The following AGTRAP variants were observed in gnomAD, a reference collection of about 807,000 sequenced individuals.
AGTRAP encodes type-1 angiotensin II receptor-associated protein.
A neutral mutation model predicts 15.2 loss-of-function variants in AGTRAP; 7 were observed. The observed-to-expected ratio is 0.46, with a 90% CI of 0.26 to 0.87. The LOEUF (loss-of-function observed/expected upper bound fraction) is 0.87. Among genes scored for constraint, AGTRAP ranks in the 40% least tolerant of loss-of-function variants. The pLI, the probability that AGTRAP is intolerant of heterozygous loss-of-function variation, is 0.15. For synonymous variants in AGTRAP, 74 were observed against 89.6 expected (o/e 0.83, Z 0.98); for missense variants, 187 against 213.4 (o/e 0.88, Z 0.77).
intron 1 of AGTRAP, among the ~76,000 whole-genome samples, chr1:11,741,289 T>G (rs951823966): frequency 3.3e-5 from 5 of 152,168 alleles, no homozygotes; most frequent in African/African-American, 1.2e-4. Context: ...CAGGTGCCCT[T>G]TCCCTTGCTT....
At chr1:11,740,578 C>T (rs1642006671) in intron 1 of AGTRAP, among the ~76,000 whole-genome samples, 1 of 152,138 alleles carries the variant, frequency 6.6e-6, no homozygotes, top group Non-Finnish European at 1.5e-5. Context: ...CTCTGTATTA[C>T]AGGCCCTTCC....
chr1:11,738,710 G>C (rs904710920), intron 1 of AGTRAP, among the ~76,000 whole-genome samples: 3 of 152,180 alleles, frequency 2.0e-5, no homozygotes, highest in Non-Finnish European at 4.4e-5. Flanking sequence ...AGGTTCTAAA[G>C]TCATGGAGCC....
At chr1:11,737,248 A>C (rs1339891272) in intron 1 of AGTRAP, among the ~76,000 whole-genome samples, 3 of 152,182 alleles carry the variant, frequency 2.0e-5, no homozygotes, top group Non-Finnish European at 4.4e-5. Flanking sequence ...TGAAGCTTCC[A>C]GTCAAAGGTG....
chr1:11,742,455 TCC>T (rs1642055360), intron 1 of AGTRAP, among the ~76,000 whole-genome samples: 1 of 151,302 alleles, frequency 6.6e-6, no homozygotes, highest in Admixed American at 6.6e-5. Context: ...CTTCCTTCCT[TCC>T]TTCCTTCTTT....
rs113371190 is a variant in AGTRAP at position 11,737,100 on chromosome 1, T to C, written c.27+865T>C. ...CAGAGCATTTAGCTCCCTGTTGGTG[T>C]CTGGGACTAAAGGAACCTGAGAAAT... On this transcript the variant is annotated intron_variant, in intron 1 of 4. Coordinates refer to ENST00000314340, the MANE Select transcript of AGTRAP (RefSeq NM_020350.5). Among the ~76,000 whole-genome samples, 1,462 of 152,332 alleles carry C rather than the reference T, an allele frequency of 9.6e-3. 11 individuals are homozygous for C. Among genetic ancestry groups the C allele is most frequent in the African/African-American group, 0.021 (874 of 41,564 alleles).
Position 11,745,520 on chromosome 1 carries a change from C to G in AGTRAP, c.28-283C>G, listed in dbSNP as rs937104064. On this transcript the variant is annotated intron_variant, in intron 1 of 4. Transcript: ENST00000314340. The surrounding 1 kb of genome is among the most constrained non-coding windows in gnomAD (Gnocchi z 4.2). ...CCAGCTCCTATTCAAGATGGAATTGCTCTGGTTCATACGCCTCTGACGCTT... is the reference window on the plus strand; with the variant it reads ...CCAGCTCCTATTCAAGATGGAATTGGTCTGGTTCATACGCCTCTGACGCTT... Among the ~76,000 whole-genome samples, 10 of 152,190 alleles carry G rather than the reference C, an allele frequency of 6.6e-5. No homozygotes were observed. The highest frequency in any genetic ancestry group is 2.4e-4 in the African/African-American group (10 of 41,448).
chr1:11,745,542 G>A lies in AGTRAP; in HGVS notation c.28-261G>A, dbSNP rs1211916645. 3.9e-5 allele frequency among the ~76,000 whole-genome samples: 6 copies of A among 152,118 alleles called. No homozygotes were observed. Among genetic ancestry groups the A allele is most frequent in the Admixed American group, 6.5e-5 (1 of 15,270 alleles). On this transcript the variant is annotated intron_variant, in intron 1 of 4. Transcript: ENST00000314340. This position sits in a 1 kb window ranked among gnomAD's most constrained non-coding sequence, Gnocchi z 4.2. ...TTGCTCTGGTTCATACGCCTCTGAC[G>A]CTTGGAAGGGGTGTGGGTGTCAGCT...
At chr1:11,736,635 C>G (rs545226783) in intron 1 of AGTRAP, among the ~76,000 whole-genome samples, 1 of 152,340 alleles carries the variant, frequency 6.6e-6, no homozygotes, top group Non-Finnish European at 1.5e-5. Flanking sequence ...TGGGCTTGCC[C>G]CCCGGGTCCC....
At chr1:11,740,111 C>T (rs1332887393) in intron 1 of AGTRAP, among the ~76,000 whole-genome samples, 1 of 152,240 alleles carries the variant, frequency 6.6e-6, no homozygotes, top group Non-Finnish European at 1.5e-5. Context: ...GGCCCTGCCA[C>T]CCGTTTAGCT....
rs1324960035 is a variant in AGTRAP, at chr1:11,745,011, T to C, written c.28-792T>C. Among the ~76,000 whole-genome samples the C allele has an allele frequency of 1.3e-5, 2 of 151,932 alleles. No homozygotes were observed. Among genetic ancestry groups the C allele is most frequent in the Non-Finnish European group, 2.9e-5 (2 of 67,998 alleles). On this transcript the variant is annotated intron_variant, in intron 1 of 4. Transcript: ENST00000314340. This position sits in a 1 kb window ranked among gnomAD's most constrained non-coding sequence, Gnocchi z 4.2. ...CTGGGATTACAGGCACACACCACCATGCCCGGCTAATTTTTGTATTTTTAG... is the reference window on the plus strand; with the variant it reads ...CTGGGATTACAGGCACACACCACCACGCCCGGCTAATTTTTGTATTTTTAG...
intron 2 of AGTRAP, 48 bp from the exon 3 acceptor site, chr1:11,747,392 C>T (rs1328943349): frequency 5.1e-6 from 8 of 1,558,522 alleles, no homozygotes; most frequent in African/African-American, 4.1e-5. Flanking sequence ...GGGAGGTGAC[C>T]TGCGGGGTGG....
rs765761727 is a variant in AGTRAP at position 11,745,022 on chromosome 1, T to C, written c.28-781T>C. 1.3e-5 allele frequency among the ~76,000 whole-genome samples: 2 copies of C among 151,848 alleles called. No homozygotes were observed. Among genetic ancestry groups the C allele is most frequent in the Non-Finnish European group, 2.9e-5 (2 of 67,946 alleles). On this transcript the variant is annotated intron_variant, in intron 1 of 4. Coordinates refer to ENST00000314340, the MANE Select transcript of AGTRAP (RefSeq NM_020350.5). The surrounding 1 kb of genome is among the most constrained non-coding windows in gnomAD (Gnocchi z 4.2). The stretch of plus-strand genomic sequence containing the variant: ...GGCACACACCACCATGCCCGGCTAA[T>C]TTTTGTATTTTTAGTAGAGACAGGG...
intron 4 of AGTRAP, among the ~76,000 whole-genome samples, chr1:11,749,597 T>TC (rs1642263302): frequency 6.6e-6 from 1 of 152,214 alleles, no homozygotes; most frequent in Non-Finnish European, 1.5e-5. Flanking sequence ...AGCCCCAGCC[T>TC]CCGAGGCCAT....
At chr1:11,737,080 C>A (rs901767114) in intron 1 of AGTRAP, among the ~76,000 whole-genome samples, 1 of 152,242 alleles carries the variant, frequency 6.6e-6, no homozygotes, top group African/African-American at 2.4e-5. Context: ...AATGACAGAG[C>A]ATTTAGCTCC....
At chr1:11,739,995 T>C (rs1015222504) in intron 1 of AGTRAP, among the ~76,000 whole-genome samples, 6 of 152,214 alleles carry the variant, frequency 3.9e-5, no homozygotes, top group African/African-American at 1.4e-4. Context: ...CCTTGGTCCA[T>C]TGACCCCTGT....
Position 11,750,614 on chromosome 1 carries a change from C to A in AGTRAP, c.*422C>A. 1 of 421,326 alleles carries A rather than the reference C, an allele frequency of 2.4e-6. No individual in the cohort carries two copies. Among genetic ancestry groups the A allele is most frequent in the Middle Eastern group, 6.4e-4 (1 of 1,574 alleles). The allele number at this position is 421,326 out of a possible 1,614,324, so 26.1% of individuals were successfully genotyped here. On this transcript the variant is annotated 3_prime_UTR_variant, in exon 5 of 5. Transcript: ENST00000314340. ...GGTCCTGCTCAGCCCGAGGAGCAGTCTGGCATGGGAGTGAGGCCCCGTCCT... is the reference window on the plus strand; with the variant it reads ...GGTCCTGCTCAGCCCGAGGAGCAGTATGGCATGGGAGTGAGGCCCCGTCCT...
Position 11,745,284 on chromosome 1 carries a change from G to C in AGTRAP, c.28-519G>C, listed in dbSNP as rs1266693108. On this transcript the variant is annotated intron_variant, in intron 1 of 4. Coordinates refer to ENST00000314340, the MANE Select transcript of AGTRAP (RefSeq NM_020350.5). The surrounding 1 kb of genome is among the most constrained non-coding windows in gnomAD (Gnocchi z 4.2). ...CATGGCATTTGTAAACTGTCATAGT[G>C]CTGGTGGGAGTGTAGCAGTGAGGAC... is the stretch of plus-strand genomic sequence containing the variant. 6.6e-6 allele frequency among the ~76,000 whole-genome samples: 1 copy of C among 152,198 alleles called. No individual in the cohort carries two copies. The highest frequency in any genetic ancestry group is 1.9e-4 in the East Asian group (1 of 5,204).
chr1:11,749,920 A>G (rs1455262329), intron 4 of AGTRAP, among the ~76,000 whole-genome samples, 157 bp from the exon 5 acceptor site: 2 of 151,718 alleles, frequency 1.3e-5, no homozygotes, highest in African/African-American at 2.4e-5. Flanking sequence ...AATACACGCT[A>G]AAGGTTTAGG....
At chr1:11,747,117 T>A (rs766917252) in intron 2 of AGTRAP, among the ~76,000 whole-genome samples, 1 of 152,072 alleles carries the variant, frequency 6.6e-6, no homozygotes, top group Non-Finnish European at 1.5e-5. Context: ...CAGAAAACTG[T>A]TGGAGGATTT....
Sources: allele counts gnomAD v4.1 joint callset (sites outside exome capture counted in the v4.1 genomes callset), GRCh38; gene constraint gnomAD v4.1.1; non-coding constraint Gnocchi (gnomAD v3.1); transcripts MANE v1.5; gene names NCBI Gene and HGNC (gene_info 2026-07-23, HGNC 2026-07-21).